The following THAP2 variants were observed in gnomAD, a reference collection of about 807,000 sequenced individuals.
THAP2 encodes the protein THAP domain-containing protein 2.
Under a neutral mutation model 18.8 loss-of-function variants are expected in THAP2, and 16 were observed. The ratio of observed to expected loss-of-function variants is 0.85; its 90% CI spans 0.58 to 1.29. The LOEUF is 1.29. THAP2 is among the 50% of genes most tolerant of loss of function. The probability of loss-of-function intolerance (pLI) is 0.00; values close to 1 mark genes in which losing one functional copy is unlikely to be tolerated. For missense variants in THAP2, 251 were observed against 265.3 expected (o/e 0.95, Z 0.38); for synonymous variants, 80 against 89.2 (o/e 0.90, Z 0.58).
rs557588896 is a variant in THAP2, at chr12:71,664,766, T to C, written c.71+186T>C. On this transcript the variant is annotated intron_variant, in intron 1 of 2. Transcript: ENST00000308086. ...TTCTCTGCTTTCGGGGAAGCTTTACTCATTTTCTAAAAGAAATCCAAGTAC... is the reference window on the plus strand; with the variant it reads ...TTCTCTGCTTTCGGGGAAGCTTTACCCATTTTCTAAAAGAAATCCAAGTAC... 8 of 760,168 alleles carry C rather than the reference T, an allele frequency of 1.1e-5. No individual in the cohort carries two copies. In the African/African-American group the frequency reaches 1.2e-4, roughly 12 times the overall value. The allele number at this position is 760,168 out of a possible 1,614,324, so 47.1% of individuals were successfully genotyped here.
intron 1 of THAP2, among the ~76,000 whole-genome samples, chr12:71,666,236 G>C (rs190051251): frequency 5.3e-4 from 80 of 152,246 alleles, no homozygotes; most frequent in African/African-American, 1.7e-3. Flanking sequence ...TTAACCCAGT[G>C]TGGTGGCTCA....
chr12:71,667,309 G>A (rs1236461340), intron 1 of THAP2, among the ~76,000 whole-genome samples: 1 of 151,948 alleles, frequency 6.6e-6, no homozygotes, highest in Non-Finnish European at 1.5e-5. Context: ...TACTCCTTAA[G>A]CCAGGTCTTC....
At position 71,679,125 on chromosome 12, in the gene THAP2, A is replaced by G. The variant is rs1032337202; in HGVS notation, c.*2017A>G. 8.5e-5 allele frequency: 13 copies of G among 152,172 alleles called. No homozygotes were observed. The highest frequency in any genetic ancestry group is 6.5e-5 in the Admixed American group (1 of 15,274). The allele number at this position is 152,172 out of a possible 1,614,324, so 9.4% of individuals were successfully genotyped here. On this transcript the variant is annotated 3_prime_UTR_variant, in exon 3 of 3. Coordinates refer to ENST00000308086, the MANE Select transcript of THAP2 (RefSeq NM_031435.4). ...TACAAAACACTTATTTGTGTAGCCC[A>G]GTTCCCATCTACAGTAATACCTTGA... is the stretch of plus-strand genomic sequence containing the variant.
intron 1 of THAP2, among the ~76,000 whole-genome samples, chr12:71,665,906 T>G (rs1464100090): frequency 6.6e-6 from 1 of 152,218 alleles, no homozygotes; most frequent in Non-Finnish European, 1.5e-5. Context: ...AGAAAGGAAC[T>G]TATTACAGAA....
intron 1 of THAP2, among the ~76,000 whole-genome samples, chr12:71,671,549 G>A (rs7298382): frequency 0.32 from 48,806 of 152,046 alleles, 11,412 homozygotes; most frequent in East Asian, 0.82. Context: ...TATCAGCTCT[G>A]TCACAAAGAC....
chr12:71,676,396 A>G (rs1881520121), intron 2 of THAP2, among the ~76,000 whole-genome samples: 1 of 152,088 alleles, frequency 6.6e-6, no homozygotes, highest in Non-Finnish European at 1.5e-5. Context: ...AAGTCTCTAT[A>G]GAGTCATAGT....
At chr12:71,665,470 C>A (rs1881319774) in intron 1 of THAP2, 1 of 155,544 alleles carries the variant, frequency 6.4e-6, no homozygotes, top group Non-Finnish European at 1.4e-5. Flanking sequence ...TAAACTAGTT[C>A]ATGCATATGT....
chr12:71,669,966 A>T (rs1592611320), intron 1 of THAP2, among the ~76,000 whole-genome samples: 1 of 151,842 alleles, frequency 6.6e-6, no homozygotes, highest in African/African-American at 2.4e-5. Flanking sequence ...TCAAAAAAAA[A>T]AAAAAAACTC....
At chr12:71,664,637 C>G in intron 1 of THAP2, 57 bp downstream of exon 1, 1 of 1,588,806 alleles carries the variant, frequency 6.3e-7, no homozygotes, top group Non-Finnish European at 8.6e-7. Flanking sequence ...GTGGCTATCG[C>G]TTGTGTGGAA....
At chr12:71,665,020 G>A in intron 1 of THAP2, 1 of 700,820 alleles carries the variant, frequency 1.4e-6, no homozygotes, top group Admixed American at 2.0e-5. Context: ...TAGTCACATA[G>A]TAATTCTGCG....
At chr12:71,670,696 T>G (rs1217073457) in intron 1 of THAP2, among the ~76,000 whole-genome samples, 1 of 152,140 alleles carries the variant, frequency 6.6e-6, no homozygotes, top group Non-Finnish European at 1.5e-5. Context: ...CCCAACATTT[T>G]GGGAGGCCGA....
chr12:71,672,293 CTCTGTT>C, intron 1 of THAP2, among the ~76,000 whole-genome samples: 1 of 152,236 alleles, frequency 6.6e-6, no homozygotes, highest in Non-Finnish European at 1.5e-5. Flanking sequence ...GAAGCTGTTT[CTCTGTT>C]ATCTTGACAT....
chr12:71,666,468 A>G (rs567879028), intron 1 of THAP2, among the ~76,000 whole-genome samples: 1 of 152,164 alleles, frequency 6.6e-6, no homozygotes, highest in African/African-American at 2.4e-5. Flanking sequence ...AGCCATAATC[A>G]TGCCACTGTA....
At chr12:71,664,864 GT>G in intron 1 of THAP2, 1 of 702,562 alleles carries the variant, frequency 1.4e-6, no homozygotes. Flanking sequence ...TTATTCCTCT[GT>G]TAGACCGGGC....
intron 1 of THAP2, chr12:71,667,958 C>T (rs1881371619): frequency 1.3e-5 from 2 of 152,098 alleles, no homozygotes; most frequent in Admixed American, 1.3e-4. Flanking sequence ...TATTTATTAC[C>T]TTTCATTTTA....
At chr12:71,671,260 A>G (rs1377751811) in intron 1 of THAP2, among the ~76,000 whole-genome samples, 1 of 152,228 alleles carries the variant, frequency 6.6e-6, no homozygotes, top group Non-Finnish European at 1.5e-5. Flanking sequence ...CCTATTATAG[A>G]AGGGTCCATG....
At chr12:71,671,099 AAG>A (rs1881429628) in intron 1 of THAP2, among the ~76,000 whole-genome samples, 1 of 152,076 alleles carries the variant, frequency 6.6e-6, no homozygotes, top group Non-Finnish European at 1.5e-5. Context: ...GCAAAGGTGA[AAG>A]AGGTGGAAGG....
Position 71,667,035 on chromosome 12 carries a change from A to G in THAP2, c.71+2455A>G, listed in dbSNP as rs180995737. Among the ~76,000 whole-genome samples, 6 of 152,298 alleles carry G rather than the reference A, an allele frequency of 3.9e-5. No individual in the cohort carries two copies. The East Asian group carries it at 1.2e-3, about 29-fold the overall frequency. On this transcript the variant is annotated intron_variant, in intron 1 of 2. Coordinates refer to ENST00000308086, the MANE Select transcript of THAP2 (RefSeq NM_031435.4). ...GCGTAAGCCACCACGCCTGGCCATTAGTAGACTTCTGTATCTCTATGTGCA... is the reference window on the plus strand; with the variant it reads ...GCGTAAGCCACCACGCCTGGCCATTGGTAGACTTCTGTATCTCTATGTGCA...
At chr12:71,671,963 C>T (rs1362506330) in intron 1 of THAP2, among the ~76,000 whole-genome samples, 2 of 152,210 alleles carry the variant, frequency 1.3e-5, no homozygotes, top group Non-Finnish European at 2.9e-5. Flanking sequence ...AAAGGGTTCT[C>T]ATTGTCCCAG....
Sources: allele counts gnomAD v4.1 joint callset (sites outside exome capture counted in the v4.1 genomes callset), GRCh38; gene constraint gnomAD v4.1.1; transcripts MANE v1.5; gene names NCBI Gene and HGNC (gene_info 2026-07-23, HGNC 2026-07-21).